NCAM1: variants seen among roughly 807,000 people sequenced by gnomAD.
The protein encoded by NCAM1 is neural cell adhesion molecule 1.
NCAM1 carries 14 observed loss-of-function variants against 109.8 expected under a neutral mutation model. The observed-to-expected ratio is 0.13, with a 90% CI of 0.08 to 0.20. NCAM1 has a LOEUF of 0.20. Among genes scored for constraint, NCAM1 ranks in the 10% least tolerant of loss-of-function variants. The pLI, the probability that NCAM1 is intolerant of heterozygous loss-of-function variation, is 1.00. For synonymous variants in NCAM1, 418 were observed against 442.9 expected (o/e 0.94, Z 0.70); for missense variants, 774 against 1,109.9 (o/e 0.70, Z 4.30).
chr11:113,067,045 T>C (rs1337452365), intron 1 of NCAM1, among the ~76,000 whole-genome samples: 2 of 149,380 alleles, frequency 1.3e-5, no homozygotes, highest in Non-Finnish European at 3.0e-5. Context: ...CAGAACACAA[T>C]GGCATCTTCA....
chr11:113,168,250 C>G (rs1942873285), intron 1 of NCAM1, among the ~76,000 whole-genome samples: 1 of 152,052 alleles, frequency 6.6e-6, no homozygotes, highest in Admixed American at 6.5e-5. Context: ...ATCTTGTGGT[C>G]TCGGTCCTAT....
At chr11:113,265,115 T>C (rs1483734224) in intron 17 of NCAM1, 8 of 985,406 alleles carry the variant, frequency 8.1e-6, no homozygotes, top group Middle Eastern at 5.2e-4. Flanking sequence ...ATAAGAATGC[T>C]AACATTGTTG....
At chr11:112,970,094 T>C (rs1950837065) in intron 1 of NCAM1, among the ~76,000 whole-genome samples, 1 of 152,148 alleles carries the variant, frequency 6.6e-6, no homozygotes, top group African/African-American at 2.4e-5. Flanking sequence ...AGAATTGCTA[T>C]TGAAGAGCAG....
chr11:113,204,928 C>G (rs1555112593), intron 3 of NCAM1, among the ~76,000 whole-genome samples: 2 of 152,166 alleles, frequency 1.3e-5, no homozygotes, highest in Non-Finnish European at 2.9e-5. Context: ...GCCTCTGAAA[C>G]CCCATCTGTA....
intron 1 of NCAM1, among the ~76,000 whole-genome samples, chr11:113,017,766 T>A (rs781964448): frequency 2.0e-5 from 3 of 152,030 alleles, no homozygotes; most frequent in Non-Finnish European, 4.4e-5. Flanking sequence ...GCATGAGGCT[T>A]TTTTCTTTTG....
At chr11:113,159,083 A>G (rs1368218651) in intron 1 of NCAM1, among the ~76,000 whole-genome samples, 1 of 152,190 alleles carries the variant, frequency 6.6e-6, no homozygotes, top group Non-Finnish European at 1.5e-5. Context: ...ACCTTTATAG[A>G]GTAGTGATTT....
chr11:113,205,410 A>T, intron 3 of NCAM1, 113 bp from the exon 4 acceptor site: 1 of 1,363,270 alleles, frequency 7.3e-7, no homozygotes. Flanking sequence ...ATACAACTGT[A>T]CATCAGGATC....
At chr11:113,151,179 G>A (rs1942211064) in intron 1 of NCAM1, among the ~76,000 whole-genome samples, 1 of 152,150 alleles carries the variant, frequency 6.6e-6, no homozygotes. Context: ...GGCTCTTAAT[G>A]ACCTGAATCC....
intron 1 of NCAM1, among the ~76,000 whole-genome samples, chr11:113,197,371 TC>T (rs1348748370): frequency 6.6e-6 from 1 of 152,030 alleles, no homozygotes; most frequent in Non-Finnish European, 1.5e-5. Context: ...CAAAAACAAT[TC>T]TCCATTACAG....
intron 1 of NCAM1, among the ~76,000 whole-genome samples, chr11:113,116,144 C>T (rs574406187): frequency 6.4e-4 from 97 of 152,324 alleles, no homozygotes; most frequent in Non-Finnish European, 1.2e-3. Context: ...TCACCTCCTT[C>T]GCCTAAGTGG....
intron 1 of NCAM1, among the ~76,000 whole-genome samples, chr11:113,032,529 A>G (rs1952753243): frequency 6.6e-6 from 1 of 152,184 alleles, no homozygotes; most frequent in Admixed American, 6.5e-5. Context: ...GTCTATCCAT[A>G]CTGCATTGCC....
intron 16 of NCAM1, among the ~76,000 whole-genome samples, chr11:113,258,609 T>C (rs781135099): frequency 2.0e-5 from 3 of 152,210 alleles, no homozygotes; most frequent in African/African-American, 7.2e-5. Context: ...AGTTCACAAT[T>C]ACCTATTGTA....
At chr11:113,248,089 C>T (rs1012663168) in intron 15 of NCAM1, among the ~76,000 whole-genome samples, 1 of 152,150 alleles carries the variant, frequency 6.6e-6, no homozygotes, top group Non-Finnish European at 1.5e-5. Flanking sequence ...AAGGTAGACA[C>T]TAATTCATTC....
At chr11:113,064,890 G>C (rs1329759359) in intron 1 of NCAM1, among the ~76,000 whole-genome samples, 1 of 152,108 alleles carries the variant, frequency 6.6e-6, no homozygotes, top group African/African-American at 2.4e-5. Flanking sequence ...ATATTTATAG[G>C]TATGTGTATA....
At chr11:113,081,624 T>C (rs1555087206) in intron 1 of NCAM1, among the ~76,000 whole-genome samples, 1 of 152,072 alleles carries the variant, frequency 6.6e-6, no homozygotes, top group African/African-American at 2.4e-5. Context: ...AACCTCTGCC[T>C]CTGGGTATAA....
intron 1 of NCAM1, among the ~76,000 whole-genome samples, chr11:113,028,502 A>G (rs1336130879): frequency 6.6e-6 from 1 of 151,406 alleles, no homozygotes; most frequent in Non-Finnish European, 1.5e-5. Flanking sequence ...TACTAAACCA[A>G]ATCTATGAAT....
intron 9 of NCAM1, among the ~76,000 whole-genome samples, chr11:113,222,373 A>G (rs1452699001): frequency 8.5e-5 from 13 of 152,370 alleles, no homozygotes; most frequent in Middle Eastern, 6.8e-3. Context: ...TTTAATATTT[A>G]AAAGTTGACT....
intron 1 of NCAM1, among the ~76,000 whole-genome samples, chr11:113,021,128 A>G (rs1555076233): frequency 1.3e-5 from 2 of 152,218 alleles, no homozygotes; most frequent in African/African-American, 4.8e-5. Context: ...ATTAACAGTA[A>G]TAATAGGAAT....
chr11:113,208,123 T>A, intron 7 of NCAM1, 121 bp downstream of exon 7: 1 of 1,186,636 alleles, frequency 8.4e-7, no homozygotes, highest in Non-Finnish European at 1.2e-6. Flanking sequence ...AACCATTTCT[T>A]GCCAGTTCCA....
Sources: allele counts gnomAD v4.1 joint callset (sites outside exome capture counted in the v4.1 genomes callset), GRCh38; gene constraint gnomAD v4.1.1; transcripts MANE v1.5; gene names NCBI Gene and HGNC (gene_info 2026-07-23, HGNC 2026-07-21).